Variants in TMEM51 observed in about 807,000 individuals in gnomAD.
TMEM51 encodes the protein transmembrane protein 51, also known as chromosome 1 open reading frame 72.
A neutral mutation model predicts 13.6 loss-of-function variants in TMEM51; 8 were observed. The ratio of observed to expected loss-of-function variants is 0.59; its 90% CI spans 0.35 to 1.07. The LOEUF is 1.07. Ranked by LOEUF, TMEM51 falls within the 50% of genes least tolerant of loss-of-function variation. The probability of loss-of-function intolerance (pLI) is 0.02; values close to 1 mark genes in which losing one functional copy is unlikely to be tolerated. For missense variants in TMEM51, 279 were observed against 330.7 expected (o/e 0.84, Z 1.21); for synonymous variants, 147 against 144.4 (o/e 1.02, Z -0.13).
At position 15,172,894 on chromosome 1, in the gene TMEM51, C is replaced by T. The variant is rs530497884; in HGVS notation, c.-267+18940C>T. Among the ~76,000 whole-genome samples the T allele has an allele frequency of 3.3e-5, 5 of 152,244 alleles. No homozygotes were observed. In the South Asian group the frequency reaches 8.3e-4, roughly 25 times the overall value. On this transcript the variant is annotated intron_variant, in intron 1 of 3. Transcript: ENST00000376008. ...TACCTGCTCATTGGTCACTTAGGAG[C>T]GGTCTGGGTTATCAGATCAGAAAAC...
At chr1:15,162,021 C>CGTCA (rs1284035930) in intron 1 of TMEM51, among the ~76,000 whole-genome samples, 1 of 150,180 alleles carries the variant, frequency 6.7e-6, no homozygotes, top group Non-Finnish European at 1.5e-5. Context: ...GGACAGCAGG[C>CGTCA]GTCATGTGGT....
chr1:15,217,693 A>C (rs1371146271), intron 3 of TMEM51, among the ~76,000 whole-genome samples: 2 of 152,166 alleles, frequency 1.3e-5, no homozygotes, highest in Non-Finnish European at 2.9e-5. Flanking sequence ...GTCCCAGCTC[A>C]AGCAGTGAGG....
At chr1:15,190,152 T>G (rs1643896573) in intron 1 of TMEM51, among the ~76,000 whole-genome samples, 1 of 152,172 alleles carries the variant, frequency 6.6e-6, no homozygotes, top group African/African-American at 2.4e-5. Flanking sequence ...TTAGAGGGGT[T>G]CAGAGGATGG....
At chr1:15,171,577 C>T (rs1322010190) in intron 1 of TMEM51, among the ~76,000 whole-genome samples, 1 of 152,082 alleles carries the variant, frequency 6.6e-6, no homozygotes, top group Non-Finnish European at 1.5e-5. Context: ...AGGACAGGCT[C>T]GAATGTGCTG....
chr1:15,189,200 C>T (rs1043645821), intron 1 of TMEM51, among the ~76,000 whole-genome samples: 4 of 127,018 alleles, frequency 3.1e-5, no homozygotes, highest in East Asian at 2.0e-4. Context: ...TCACCACACC[C>T]AGCTAATTTT....
At chr1:15,195,035 C>A (rs1272991189) in intron 1 of TMEM51, among the ~76,000 whole-genome samples, 1 of 150,880 alleles carries the variant, frequency 6.6e-6, no homozygotes, top group Non-Finnish European at 1.5e-5. Flanking sequence ...AGTGATCCTC[C>A]CACTTCAGCC....
At chr1:15,200,407 C>CAAAAAAAAAA in intron 1 of TMEM51, among the ~76,000 whole-genome samples, 1 of 67,964 alleles carries the variant, frequency 1.5e-5, no homozygotes, top group Non-Finnish European at 2.6e-5. Flanking sequence ...GACTCTGTCT[C>CAAAAAAAAAA]AAAAAAAAAA....
chr1:15,167,665 C>G (rs893454463), intron 1 of TMEM51, among the ~76,000 whole-genome samples: 1 of 152,156 alleles, frequency 6.6e-6, no homozygotes, highest in African/African-American at 2.4e-5. Flanking sequence ...ATGCAGGGAC[C>G]TAATGAAACA....
At chr1:15,169,384 CTT>C (rs199641842) in intron 1 of TMEM51, among the ~76,000 whole-genome samples, 1 of 148,518 alleles carries the variant, frequency 6.7e-6, no homozygotes, top group Non-Finnish European at 1.5e-5. Context: ...ATCTGAGAGA[CTT>C]TTTTTTTTTA....
At chr1:15,201,355 A>G in intron 1 of TMEM51, among the ~76,000 whole-genome samples, 1 of 151,570 alleles carries the variant, frequency 6.6e-6, no homozygotes, top group Middle Eastern at 3.4e-3. Context: ...ACAAAACAGA[A>G]TACATAAAAT....
intron 2 of TMEM51, among the ~76,000 whole-genome samples, chr1:15,212,883 A>G (rs965215498): frequency 6.6e-6 from 1 of 152,198 alleles, no homozygotes; most frequent in African/African-American, 2.4e-5. Flanking sequence ...ACATATATGC[A>G]CACGTGTTCA....
Position 15,183,464 on chromosome 1 carries a change from G to A in TMEM51, c.-266-27026G>A, listed in dbSNP as rs147427185. On this transcript the variant is annotated intron_variant, in intron 1 of 3. Coordinates refer to ENST00000376008, the MANE Select transcript of TMEM51 (RefSeq NM_001136218.2). ...TCCCTTTGCCTCCATTTCCTCATTT[G>A]TAAAAGGGAGATTATCGTACATGGT... Among the ~76,000 whole-genome samples the A allele has an allele frequency of 1.4e-4, 22 of 152,294 alleles. 1 individual carries two copies. The East Asian group carries it at 4.2e-3, about 29-fold the overall frequency.
chr1:15,155,377 G>C lies in TMEM51; in HGVS notation c.-267+1423G>C, dbSNP rs1433192219. 2.0e-5 allele frequency among the ~76,000 whole-genome samples: 3 copies of C among 152,222 alleles called. No individual in the cohort carries two copies. In the South Asian group the frequency reaches 6.2e-4, roughly 31 times the overall value. On this transcript the variant is annotated intron_variant, in intron 1 of 3. Coordinates refer to ENST00000376008, the MANE Select transcript of TMEM51 (RefSeq NM_001136218.2). The stretch of plus-strand genomic sequence containing the variant: ...TCAGGCCACACCACTTGCTGGCTGT[G>C]TGACCTGACCTCTCTGAGCCTCAGC...
intron 1 of TMEM51, among the ~76,000 whole-genome samples, chr1:15,159,748 G>C (rs1489754149): frequency 6.6e-6 from 1 of 152,256 alleles, no homozygotes; most frequent in East Asian, 1.9e-4. Context: ...GTAGCGATGG[G>C]ATTTCACCAT....
intron 1 of TMEM51, among the ~76,000 whole-genome samples, chr1:15,178,372 C>T (rs1643513595): frequency 6.6e-6 from 1 of 152,138 alleles, no homozygotes; most frequent in African/African-American, 2.4e-5. Context: ...GGTCCACACC[C>T]CAGGATGAGG....
chr1:15,190,781 T>G (rs768204159), intron 1 of TMEM51, among the ~76,000 whole-genome samples: 17 of 152,052 alleles, frequency 1.1e-4, no homozygotes, highest in East Asian at 7.7e-4. Context: ...TTTGGTTTTT[T>G]GTTTTGTTTT....
intron 1 of TMEM51, among the ~76,000 whole-genome samples, chr1:15,194,776 C>T (rs1411145384): frequency 1.3e-5 from 2 of 152,150 alleles, no homozygotes; most frequent in South Asian, 2.1e-4. Context: ...GATGATATTG[C>T]GTTCTGTCTC....
intron 2 of TMEM51, 109 bp from the exon 3 acceptor site, chr1:15,214,786 G>T (rs115038007): frequency 1.3e-3 from 473 of 352,784 alleles, no homozygotes; most frequent in African/African-American, 9.0e-3. Context: ...GCCAGAGCCG[G>T]CGTGCTCGGT....
intron 1 of TMEM51, among the ~76,000 whole-genome samples, chr1:15,154,267 G>T (rs1053476835): frequency 1.3e-5 from 2 of 152,230 alleles, no homozygotes; most frequent in African/African-American, 2.4e-5. Flanking sequence ...GGCGGGCTTC[G>T]AACCCTTGGC....
Sources: allele counts gnomAD v4.1 joint callset (sites outside exome capture counted in the v4.1 genomes callset), GRCh38; gene constraint gnomAD v4.1.1; transcripts MANE v1.5; gene names NCBI Gene and HGNC (gene_info 2026-07-23, HGNC 2026-07-21).